CSMD2: variants seen among roughly 807,000 people sequenced by gnomAD.
CSMD2 encodes the protein CUB and sushi domain-containing protein 2.
A neutral mutation model predicts 398.5 loss-of-function variants in CSMD2; 130 were observed. The observed-to-expected ratio is 0.33, with a 90% CI of 0.28 to 0.38. The LOEUF (loss-of-function observed/expected upper bound fraction) is 0.38. Ranked by LOEUF, CSMD2 falls within the 10% of genes least tolerant of loss-of-function variation. The probability of loss-of-function intolerance (pLI) is 1.00; values close to 1 mark genes in which losing one functional copy is unlikely to be tolerated. For synonymous variants in CSMD2, 1,828 were observed against 1,908.5 expected (o/e 0.96, Z 1.10); for missense variants, 3,829 against 4,764.9 (o/e 0.80, Z 5.78).
At chr1:34,103,433 G>A (rs944327515) in intron 1 of CSMD2, among the ~76,000 whole-genome samples, 4 of 151,680 alleles carry the variant, frequency 2.6e-5, no homozygotes, top group Non-Finnish European at 5.9e-5. Flanking sequence ...TGAGTAGCTG[G>A]GACTACCGGC....
At chr1:33,824,820 GAGA>G (rs1277600043) in intron 7 of CSMD2, among the ~76,000 whole-genome samples, 1 of 152,102 alleles carries the variant, frequency 6.6e-6, no homozygotes, top group Admixed American at 6.5e-5. Context: ...AGAGATGCAG[GAGA>G]AGGGCAAAGG....
intron 5 of CSMD2, among the ~76,000 whole-genome samples, chr1:33,857,886 T>C (rs1158145): frequency 0.59 from 89,913 of 152,058 alleles, 27,829 homozygotes; most frequent in East Asian, 0.85. Flanking sequence ...GCCACTCTCC[T>C]ATGCTATAAA....
At position 33,797,817 on chromosome 1, in the gene CSMD2, CTGG is replaced by C. The variant is rs1655124945; in HGVS notation, c.1447-5294_1447-5292del. Among the ~76,000 whole-genome samples, 3 of 152,286 alleles carry C rather than the reference CTGG, an allele frequency of 2.0e-5. No individual in the cohort carries two copies. The South Asian group carries it at 6.2e-4, about 32-fold the overall frequency. On this transcript the variant is annotated intron_variant, in intron 10 of 70. Transcript: ENST00000373381. Reference sequence around the variant, plus strand: ...CCATATCAGCCCCTTCCAGCCAGCCCTGGGGCAGAGGACACGGCTCACCCAGCC... The same window carrying C: ...CCATATCAGCCCCTTCCAGCCAGCCCGGCAGAGGACACGGCTCACCCAGCC...
At chr1:33,552,998 T>C (rs1657601867) in intron 55 of CSMD2, among the ~76,000 whole-genome samples, 2 of 152,126 alleles carry the variant, frequency 1.3e-5, no homozygotes, top group Admixed American at 1.3e-4. Flanking sequence ...AAAGAAAAGA[T>C]TGTCAGATAG....
intron 5 of CSMD2, among the ~76,000 whole-genome samples, chr1:33,894,369 G>C (rs1027205075): frequency 2.0e-5 from 3 of 152,194 alleles, no homozygotes; most frequent in African/African-American, 4.8e-5. Flanking sequence ...GTGCTCGAAG[G>C]CTTTTTTCCC....
At position 33,743,388 on chromosome 1, in the gene CSMD2, A is replaced by T. The variant is rs766792888; in HGVS notation, c.2065T>A (p.Ser689Thr). 6.2e-7 allele frequency: 1 copy of T among 1,614,200 alleles called. No individual in the cohort carries two copies. Among genetic ancestry groups the T allele is most frequent in the Non-Finnish European group, 8.5e-7 (1 of 1,180,038 alleles). Residue 689 changes from serine (S) to threonine (T), a missense_variant, in exon 14 of 71, where the codon TCA becomes ACA. Coordinates refer to ENST00000373381, the MANE Select transcript of CSMD2 (RefSeq NM_001281956.2). ...ATGGAGGAGGGAAGCTGGTTTCCTG[A>T]GAAGGTGCCCAGGACGGGCGCCTCG... ...TAEAPVLGTF[S>T]GNQLPSSITS...
At chr1:34,158,596 A>G (rs190931887) in intron 1 of CSMD2, among the ~76,000 whole-genome samples, 7 of 152,348 alleles carry the variant, frequency 4.6e-5, no homozygotes, top group African/African-American at 1.7e-4. Context: ...GTGGTGCCAG[A>G]GAGTGGCAGA....
intron 2 of CSMD2, among the ~76,000 whole-genome samples, chr1:34,041,912 T>C (rs1330873669): frequency 2.0e-5 from 3 of 152,152 alleles, no homozygotes; most frequent in Non-Finnish European, 4.4e-5. Context: ...CCTCTCAAGT[T>C]CAATCCAATT....
At chr1:33,948,373 G>A (rs1644902111) in intron 3 of CSMD2, among the ~76,000 whole-genome samples, 1 of 152,070 alleles carries the variant, frequency 6.6e-6, no homozygotes, top group Non-Finnish European at 1.5e-5. Flanking sequence ...CAGAAACACA[G>A]GCATACTAAC....
intron 13 of CSMD2, among the ~76,000 whole-genome samples, chr1:33,760,356 C>G (rs1006539430): frequency 6.6e-6 from 1 of 152,194 alleles, no homozygotes; most frequent in African/African-American, 2.4e-5. Flanking sequence ...AGGAAAGATT[C>G]TGATACCTTA....
intron 21 of CSMD2, among the ~76,000 whole-genome samples, chr1:33,712,413 T>G (rs1646022973): frequency 6.6e-6 from 1 of 152,220 alleles, no homozygotes; most frequent in Non-Finnish European, 1.5e-5. Context: ...CTATGTGGAC[T>G]AAATCATCCA....
At chr1:33,683,102 A>G (rs1414859796) in intron 25 of CSMD2, among the ~76,000 whole-genome samples, 2 of 152,106 alleles carry the variant, frequency 1.3e-5, no homozygotes, top group Admixed American at 6.5e-5. Context: ...TACTACTTCA[A>G]TGCTTTTATT....
rs192630273 is a variant in CSMD2, at chr1:33,760,749, A to C, written c.1846+11820T>G. The stretch of plus-strand genomic sequence containing the variant: ...TGTGCTGGGCTCAGGGAAGGTATAC[A>C]TTCAATTTTGGCTGAATTTGAAACA... On this transcript the variant is annotated intron_variant, in intron 13 of 70. Coordinates refer to ENST00000373381, the MANE Select transcript of CSMD2 (RefSeq NM_001281956.2). 2.0e-3 allele frequency among the ~76,000 whole-genome samples: 308 copies of C among 152,256 alleles called. 1 individual carries two copies. The highest frequency in any genetic ancestry group is 7.1e-3 in the African/African-American group (295 of 41,548).
In CSMD2 at chr1:33,862,267, G is replaced by A. The variant is rs1019256789; in HGVS notation, c.921-15271C>T. 6 of 151,698 alleles carry A rather than the reference G, an allele frequency of 4.0e-5. No individual in the cohort carries two copies. In the South Asian group the frequency reaches 6.3e-4, roughly 16 times the overall value. The allele number at this position is 151,698 out of a possible 1,614,324, so 9.4% of individuals were successfully genotyped here. On this transcript the variant is annotated intron_variant, in intron 5 of 70. Coordinates refer to ENST00000373381, the MANE Select transcript of CSMD2 (RefSeq NM_001281956.2). The stretch of plus-strand genomic sequence containing the variant: ...TTCTTCTTAAATCTGCTAGCTTCCC[G>A]ATAGCTATTGTGGGTTAATCTTCCT...
intron 33 of CSMD2, among the ~76,000 whole-genome samples, chr1:33,625,650 T>A (rs1642073195): frequency 6.6e-6 from 1 of 152,094 alleles, no homozygotes; most frequent in South Asian, 2.1e-4. Flanking sequence ...TGCCTTAAGA[T>A]CCTGCCTGGG....
At chr1:33,841,061 C>A (rs1448590229) in intron 6 of CSMD2, among the ~76,000 whole-genome samples, 1 of 152,174 alleles carries the variant, frequency 6.6e-6, no homozygotes, top group African/African-American at 2.4e-5. Flanking sequence ...ATTCTGCAGA[C>A]AATTGAAACT....
At chr1:33,548,276 C>A (rs1657099616) in intron 56 of CSMD2, among the ~76,000 whole-genome samples, 1 of 152,174 alleles carries the variant, frequency 6.6e-6, no homozygotes, top group Admixed American at 6.5e-5. Flanking sequence ...GAAAGAATGG[C>A]CCCCACTACA....
chr1:33,959,941 T>C (rs1645296598), intron 3 of CSMD2, among the ~76,000 whole-genome samples: 2 of 152,190 alleles, frequency 1.3e-5, no homozygotes, highest in African/African-American at 2.4e-5. Context: ...TCCTGCTGGA[T>C]CCTAGCAGCG....
At chr1:34,103,473 C>T (rs2217931) in intron 1 of CSMD2, among the ~76,000 whole-genome samples, 79,106 of 151,494 alleles carry the variant, frequency 0.52, 22,706 homozygotes, top group Non-Finnish European at 0.65. Flanking sequence ...TAATTTTTCA[C>T]GTTTTTAGTA....
Sources: gnomAD v4.1 joint callset for allele counts (sites outside exome capture counted in the v4.1 genomes callset) on GRCh38, gnomAD v4.1.1 for gene constraint, MANE v1.5 for transcripts, NCBI Gene and HGNC (gene_info 2026-07-23, HGNC 2026-07-21) for gene names.